Variants in COL19A1 observed in about 807,000 individuals in gnomAD.
The protein encoded by COL19A1 is collagen alpha-1(XIX) chain.
COL19A1 carries 159 observed loss-of-function variants against 190.2 expected under a neutral mutation model. The ratio of observed to expected loss-of-function variants is 0.84; its 90% CI spans 0.73 to 0.95. The LOEUF is 0.95. Ranked by LOEUF, COL19A1 falls within the 40% of genes least tolerant of loss-of-function variation. The pLI, the probability that COL19A1 is intolerant of heterozygous loss-of-function variation, is 0.00. For synonymous variants in COL19A1, 509 were observed against 458.9 expected (o/e 1.11, Z -1.39); for missense variants, 1,418 against 1,431.9 (o/e 0.99, Z 0.16).
chr6:70,169,832 G>C (rs1765396005), intron 40 of COL19A1, among the ~76,000 whole-genome samples: 1 of 151,980 alleles, frequency 6.6e-6, no homozygotes, highest in South Asian at 2.1e-4. Context: ...ACACAAAACA[G>C]CTTCTCTGAA....
intron 11 of COL19A1, among the ~76,000 whole-genome samples, chr6:69,965,146 G>A (rs533137750): frequency 4.6e-5 from 7 of 152,250 alleles, no homozygotes; most frequent in African/African-American, 1.7e-4. Context: ...GGAAAACTGA[G>A]TATATAATCA....
At chr6:69,892,246 A>G (rs1353991834) in intron 2 of COL19A1, among the ~76,000 whole-genome samples, 1 of 152,252 alleles carries the variant, frequency 6.6e-6, no homozygotes, top group Non-Finnish European at 1.5e-5. Flanking sequence ...ATATTGATCC[A>G]GATTTCTACA....
chr6:69,948,255 T>C (rs150096401), intron 9 of COL19A1, among the ~76,000 whole-genome samples: 1 of 152,016 alleles, frequency 6.6e-6, no homozygotes, highest in East Asian at 1.9e-4. Context: ...AAATAGATTG[T>C]TTGACTTTAT....
intron 10 of COL19A1, among the ~76,000 whole-genome samples, chr6:69,960,825 G>C (rs1344513350): frequency 6.6e-6 from 1 of 151,734 alleles, no homozygotes; most frequent in South Asian, 2.1e-4. Flanking sequence ...TAGAGATGGG[G>C]TTTCACCATG....
At chr6:70,142,620 T>C (rs1233434759) in intron 22 of COL19A1, 147 bp from the exon 23 acceptor site, 1 of 627,760 alleles carries the variant, frequency 1.6e-6, no homozygotes, top group African/African-American at 1.9e-5. Context: ...ATTTCAGTAT[T>C]ATACAGATAA....
chr6:69,881,663 G>T (rs1768564201), intron 2 of COL19A1, among the ~76,000 whole-genome samples: 1 of 152,124 alleles, frequency 6.6e-6, no homozygotes, highest in Non-Finnish European at 1.5e-5. Flanking sequence ...CCAACAATGT[G>T]AATTCAAAAT....
chr6:69,997,024 T>TAG lies in COL19A1; in HGVS notation c.1027-26602_1027-26601insGA, dbSNP rs1341007883. Among the ~76,000 whole-genome samples, 228 of 143,856 alleles carry TAG rather than the reference T, an allele frequency of 1.6e-3. 1 individual carries two copies. Among genetic ancestry groups the TAG allele is most frequent in the South Asian group, 0.015 (69 of 4,590 alleles). 94.4% of individuals were successfully genotyped at this position (143,856 alleles called of 152,430 possible). The stretch of plus-strand genomic sequence containing the variant: ...GTGTGTTTATATATACATATATATA[T>TAG]ATAGAGAGAGAGAGAGAGAGAGAGA... On this transcript the variant is annotated intron_variant, in intron 11 of 50. Transcript: ENST00000620364.
intron 2 of COL19A1, among the ~76,000 whole-genome samples, chr6:69,895,124 T>G (rs1769628890): frequency 6.6e-6 from 1 of 152,138 alleles, no homozygotes; most frequent in South Asian, 2.1e-4. Context: ...TGGGAACCAG[T>G]CAGCTGGCTG....
chr6:69,873,429 G>A (rs892522255), intron 1 of COL19A1, among the ~76,000 whole-genome samples: 9 of 152,110 alleles, frequency 5.9e-5, no homozygotes, highest in Admixed American at 3.3e-4. Flanking sequence ...TTACATATGC[G>A]TGTGTGAGGC....
At chr6:70,127,851 G>A (rs1785292701) in intron 17 of COL19A1, among the ~76,000 whole-genome samples, 1 of 152,134 alleles carries the variant, frequency 6.6e-6, no homozygotes, top group South Asian at 2.1e-4. Context: ...AATTGTGGGA[G>A]CTACAATTCT....
intron 48 of COL19A1, among the ~76,000 whole-genome samples, chr6:70,192,568 C>T (rs1466177290): frequency 6.8e-6 from 1 of 146,902 alleles, no homozygotes; most frequent in Non-Finnish European, 1.5e-5. Context: ...TCCAAACACT[C>T]ATTTCCCCGT....
In COL19A1 at chr6:70,068,494, A is replaced by C. The variant is rs919058151; in HGVS notation, c.1224+18A>C. The stretch of plus-strand genomic sequence containing the variant: ...GTCAGAGGGTAAGTAAAGCTGGAAC[A>C]ACTGGTGGGCATTACTAACTTAGGG... On this transcript the variant is annotated intron_variant, in intron 15 of 50. Coordinates refer to ENST00000620364, the MANE Select transcript of COL19A1 (RefSeq NM_001858.6). 1.3e-6 allele frequency: 2 copies of C among 1,533,444 alleles called. No homozygotes were observed. The highest frequency in any genetic ancestry group is 1.8e-6 in the Non-Finnish European group (2 of 1,113,220). The allele number at this position is 1,533,444 out of a possible 1,614,324, so 95.0% of individuals were successfully genotyped here.
rs138552427 is a variant in COL19A1, at chr6:69,871,225, A to T, written c.-33+4585A>T. ...TTCAGCTGGTTTTCTCTAATAGTTT[A>T]CAGACTCTACTATAGCTTCACTAAA... is the stretch of plus-strand genomic sequence containing the variant. On this transcript the variant is annotated intron_variant, in intron 1 of 50. Transcript: ENST00000620364. Among the ~76,000 whole-genome samples the T allele has an allele frequency of 3.8e-3, 578 of 152,318 alleles. 4 individuals carry two copies. The highest frequency in any genetic ancestry group is 0.013 in the African/African-American group (546 of 41,562).
At chr6:70,170,786 C>T (rs1765452666) in intron 40 of COL19A1, among the ~76,000 whole-genome samples, 1 of 152,014 alleles carries the variant, frequency 6.6e-6, no homozygotes, top group Non-Finnish European at 1.5e-5. Context: ...TTCATATGCT[C>T]ACTCACTAAG....
chr6:70,002,085 A>T (rs1777298784), intron 11 of COL19A1, among the ~76,000 whole-genome samples: 1 of 152,098 alleles, frequency 6.6e-6, no homozygotes, highest in African/African-American at 2.4e-5. Context: ...AGGATGTTGA[A>T]TTTTATCAAA....
At chr6:70,172,087 C>A (rs1431251703) in intron 41 of COL19A1, 70 bp downstream of exon 41, 3 of 1,434,198 alleles carry the variant, frequency 2.1e-6, no homozygotes, top group African/African-American at 2.9e-5. Flanking sequence ...ACCTAATGTG[C>A]CAAAAACTGT....
chr6:69,985,218 T>C (rs1437794443), intron 11 of COL19A1, among the ~76,000 whole-genome samples: 4 of 152,238 alleles, frequency 2.6e-5, no homozygotes, highest in African/African-American at 9.6e-5. Context: ...GGGATGGTTT[T>C]GGAATCTTTA....
chr6:70,003,416 G>A (rs1171861589), intron 11 of COL19A1, among the ~76,000 whole-genome samples: 1 of 152,180 alleles, frequency 6.6e-6, no homozygotes, highest in Non-Finnish European at 1.5e-5. Context: ...TTCAAGTCCT[G>A]AATATCCTTT....
At chr6:70,041,374 C>G (rs1303577940) in intron 14 of COL19A1, among the ~76,000 whole-genome samples, 1 of 152,124 alleles carries the variant, frequency 6.6e-6, no homozygotes, top group Admixed American at 6.5e-5. Flanking sequence ...AATTAATTAA[C>G]TGATTATTCC....
Sources: allele counts gnomAD v4.1 joint callset (sites outside exome capture counted in the v4.1 genomes callset), GRCh38; gene constraint gnomAD v4.1.1; transcripts MANE v1.5; gene names NCBI Gene and HGNC (gene_info 2026-07-23, HGNC 2026-07-21).